The following KAT6B variants were observed in gnomAD, a reference collection of about 807,000 sequenced individuals.
KAT6B encodes lysine acetyltransferase 6B.
Under a neutral mutation model 187.5 loss-of-function variants are expected in KAT6B, and 10 were observed. That is an observed-to-expected ratio of 0.05 (90% confidence interval 0.03 to 0.09). The LOEUF is 0.09. KAT6B is among the 10% of genes least tolerant of loss of function. The pLI is 1.00. For synonymous variants in KAT6B, 861 were observed against 926.8 expected, an observed-to-expected ratio of 0.93 and a Z score of 1.29; for missense variants, 1,952 against 2,558.9, an observed-to-expected ratio of 0.76 and a Z score of 5.12.
chr10:74,966,462 G>GT (rs1449548028), intron 4 of KAT6B, among the ~76,000 whole-genome samples: 1 of 152,162 alleles, frequency 6.6e-6, no homozygotes, highest in African/African-American at 2.4e-5. Flanking sequence ...CAGAGCCTGT[G>GT]TTTTTTCTTC....
chr10:75,012,409 T>C (rs779652240), intron 13 of KAT6B, among the ~76,000 whole-genome samples: 2 of 152,108 alleles, frequency 1.3e-5, no homozygotes, highest in African/African-American at 2.4e-5. Context: ...ATCACACCAC[T>C]GCACTCCAGC....
In KAT6B at chr10:75,030,809, C is replaced by T. The variant is rs759442318; in HGVS notation, c.5985C>T (p.Tyr1995=). ...ACACTCTCAACGCCATGAATGGGTA[C>T]AGCATGTCCCAGCCAATGATGAACA... The part of the protein sequence containing the change: ...NMNTLNAMNG[Y]SMSQPMMNSG... The change falls in exon 18 of 18, where the codon TAC becomes TAT. Residue 1995 remains tyrosine (Y), a synonymous_variant. Transcript: ENST00000287239. The surrounding 1 kb of genome is among the most constrained non-coding windows in gnomAD (Gnocchi z 4.8). 2 of 1,614,084 alleles carry T rather than the reference C, an allele frequency of 1.2e-6. No individual in the cohort carries two copies. The highest frequency in any genetic ancestry group is 2.7e-5 in the African/African-American group (2 of 74,932).
intron 3 of KAT6B, among the ~76,000 whole-genome samples, chr10:74,948,040 G>C (rs1173507784): frequency 7.9e-5 from 12 of 152,146 alleles, no homozygotes; most frequent in South Asian, 2.1e-4. Flanking sequence ...CAAAAAACAA[G>C]GTCAGAGCTC....
intron 1 of KAT6B, among the ~76,000 whole-genome samples, chr10:74,833,078 T>C (rs1246967312): frequency 7.3e-6 from 1 of 136,578 alleles, no homozygotes; most frequent in Non-Finnish European, 1.5e-5. Flanking sequence ...GAGGTTGCAG[T>C]GAGCCGAGAT....
At chr10:74,880,116 G>T (rs375085093) in intron 3 of KAT6B, among the ~76,000 whole-genome samples, 43 of 152,244 alleles carry the variant, frequency 2.8e-4, no homozygotes, top group African/African-American at 1.0e-3. Flanking sequence ...CTTTTTTAAA[G>T]TGTGTAATTC....
In KAT6B at chr10:74,843,397, T is replaced by A. The variant is rs768519467; in HGVS notation, c.540T>A (p.Asp180Glu). 1 of 1,613,798 alleles carries A rather than the reference T, an allele frequency of 6.2e-7. No homozygotes were observed. Among genetic ancestry groups the A allele is most frequent in the African/African-American group, 1.3e-5 (1 of 74,914 alleles). Residue 180 changes from aspartate (D) to glutamate (E), a missense_variant, in exon 3 of 18, where the codon GAT (aspartate) becomes GAA (glutamate). Asp to Glu is a conservative substitution (Grantham distance 45). Coordinates refer to ENST00000287239, the MANE Select transcript of KAT6B (RefSeq NM_012330.4). ...PQYRVNYGSL[D>E]GKGAPQYPSA... ...ACAGGGTCAATTATGGGAGCTTAGA[T>A]GGCAAAGGGGCACCTCAGTATCCCA...
At chr10:74,983,781 A>T (rs571534227) in intron 11 of KAT6B, 38 of 152,358 alleles carry the variant, frequency 2.5e-4, no homozygotes, top group African/African-American at 7.9e-4. Flanking sequence ...AAATTCACTT[A>T]TACGAATAAG....
chr10:74,841,976 TTAAGA>T (rs1394881446), intron 2 of KAT6B, among the ~76,000 whole-genome samples: 1 of 152,260 alleles, frequency 6.6e-6, no homozygotes, highest in Non-Finnish European at 1.5e-5. Context: ...TAACTGGGTA[TTAAGA>T]TAACTAGAAT....
rs1326759402 is a variant in KAT6B at position 75,032,095 on chromosome 10, C to CT, written c.*1055dup. Reference sequence around the variant, plus strand: ...TATTTGTGTCTGTTTATATTGCTTCCTTTTTTGTAGCCTTTGTACCTGTAC... The same window carrying CT: ...TATTTGTGTCTGTTTATATTGCTTCCTTTTTTTGTAGCCTTTGTACCTGTAC... On this transcript the variant is annotated 3_prime_UTR_variant, in exon 18 of 18. Transcript: ENST00000287239. The CT allele has an allele frequency of 6.1e-5, 12 of 196,670 alleles. No homozygotes were observed. The highest frequency in any genetic ancestry group is 1.2e-4 in the Non-Finnish European group (11 of 94,830). 12.2% of individuals were successfully genotyped at this position (196,670 alleles called of 1,614,324 possible).
rs142715637 is a variant in KAT6B at position 74,858,261 on chromosome 10, A to T, written c.621+14783A>T. On this transcript the variant is annotated intron_variant, in intron 3 of 17. Transcript: ENST00000287239. ...GGCACTAATAGCTTCAGAGTTTTTA[A>T]CAATAGAAGTTTGGATGGGCAATTT... is the stretch of plus-strand genomic sequence containing the variant. Among the ~76,000 whole-genome samples, 942 of 151,784 alleles carry T rather than the reference A, an allele frequency of 6.2e-3. 10 individuals carry two copies. Among genetic ancestry groups the T allele is most frequent in the South Asian group, 0.024 (117 of 4,794 alleles).
chr10:74,867,846 A>T (rs1485133234), intron 3 of KAT6B, among the ~76,000 whole-genome samples: 2 of 152,230 alleles, frequency 1.3e-5, no homozygotes, highest in East Asian at 1.9e-4. Context: ...TAATCCAGGT[A>T]TTCAACAAAG....
At chr10:74,863,199 T>G (rs1843311928) in intron 3 of KAT6B, among the ~76,000 whole-genome samples, 1 of 152,108 alleles carries the variant, frequency 6.6e-6, no homozygotes, top group African/African-American at 2.4e-5. Flanking sequence ...TTTTTTCCTT[T>G]TTTCCTACAT....
At chr10:74,832,187 G>A (rs1222679839) in intron 1 of KAT6B, among the ~76,000 whole-genome samples, 1 of 152,154 alleles carries the variant, frequency 6.6e-6, no homozygotes, top group Non-Finnish European at 1.5e-5. Context: ...TTAGAGTAGA[G>A]CTATAATATT....
At chr10:74,840,825 A>G (rs1280881948) in intron 2 of KAT6B, among the ~76,000 whole-genome samples, 1 of 152,214 alleles carries the variant, frequency 6.6e-6, no homozygotes, top group Non-Finnish European at 1.5e-5. Context: ...TACTGTTTGA[A>G]CAAGTATAGT....
chr10:74,846,039 C>T (rs1297283287), intron 3 of KAT6B, among the ~76,000 whole-genome samples: 1 of 151,742 alleles, frequency 6.6e-6, no homozygotes, highest in African/African-American at 2.4e-5. Flanking sequence ...AATTTTTGTA[C>T]TTTTTGTAAA....
intron 13 of KAT6B, among the ~76,000 whole-genome samples, chr10:75,011,498 G>A (rs1333121427): frequency 2.0e-5 from 3 of 152,170 alleles, no homozygotes; most frequent in Non-Finnish European, 2.9e-5. Flanking sequence ...AATGGGCTTC[G>A]TGAACAATTT....
chr10:74,887,471 C>CATG (rs1666628924), intron 3 of KAT6B, among the ~76,000 whole-genome samples: 2 of 152,152 alleles, frequency 1.3e-5, no homozygotes, highest in African/African-American at 4.8e-5. Flanking sequence ...ATTACAGGCA[C>CATG]ATGCCACCAT....
Position 74,969,656 on chromosome 10 carries a change from A to C in KAT6B, c.731-4A>C. ...ATCAAGCAATTTGCTTTTTATTCTC[A>C]TAGGACACCCATCCTGTTTGAAATT... is the stretch of plus-strand genomic sequence containing the variant. On this transcript the variant is annotated splice_region_variant and splice_polypyrimidine_tract_variant and intron_variant, in intron 4 of 17. Coordinates refer to ENST00000287239, the MANE Select transcript of KAT6B (RefSeq NM_012330.4). 1 of 1,591,582 alleles carries C rather than the reference A, an allele frequency of 6.3e-7. No homozygotes were observed. Among genetic ancestry groups the C allele is most frequent in the Non-Finnish European group, 8.6e-7 (1 of 1,159,598 alleles).
intron 3 of KAT6B, among the ~76,000 whole-genome samples, chr10:74,954,695 A>G (rs1249462532): frequency 6.6e-6 from 1 of 152,182 alleles, no homozygotes; most frequent in Non-Finnish European, 1.5e-5. Context: ...TTTTGCTTAT[A>G]CTTTGTTTGA....
Sources: gnomAD v4.1 joint callset for allele counts (sites outside exome capture counted in the v4.1 genomes callset) on GRCh38, gnomAD v4.1.1 for gene constraint, Gnocchi (gnomAD v3.1) non-coding constraint, MANE v1.5 for transcripts, NCBI Gene and HGNC (gene_info 2026-07-23, HGNC 2026-07-21) for gene names.